The following PCDHA6 variants were observed in gnomAD, a reference collection of about 807,000 sequenced individuals.
PCDHA6 encodes the protein protocadherin alpha-6.
PCDHA6 carries 55 observed loss-of-function variants against 60.3 expected under a neutral mutation model. The observed-to-expected ratio is 0.91, with a 90% confidence interval of 0.73 to 1.14. The LOEUF is 1.14. Ranked by LOEUF, PCDHA6 falls within the 50% of genes most tolerant of loss-of-function variation. The probability of loss-of-function intolerance (pLI) is 0.00; values close to 1 mark genes in which losing one functional copy is unlikely to be tolerated. For missense variants in PCDHA6, 1,327 were observed against 1,256.5 expected (o/e 1.06, Z -0.85); for synonymous variants, 652 against 557.9 (o/e 1.17, Z -2.38).
At chr5:140,839,449 G>A (rs1251929255) in intron 1 of PCDHA6, among the ~76,000 whole-genome samples, 1 of 151,836 alleles carries the variant, frequency 6.6e-6, no homozygotes, top group African/African-American at 2.4e-5. Context: ...CAGTGCAGTG[G>A]CACAATCTGG....
Position 140,849,712 on chromosome 5 carries a change from C to T in PCDHA6, c.2394+19227C>T, listed in dbSNP as rs2150446144. 1.9e-6 allele frequency: 3 copies of T among 1,598,618 alleles called. No individual in the cohort carries two copies. On this transcript the variant is annotated intron_variant, in intron 1 of 3. Transcript: ENST00000529310. ...GTGTCCACCTACAAGAATTACTACT[C>T]GTTGGTGCTGGACAGAGCTCTGGAC... is the stretch of plus-strand genomic sequence containing the variant.
chr5:140,883,937 G>C, intron 1 of PCDHA6: 3 of 1,613,414 alleles, frequency 1.9e-6, no homozygotes, highest in Non-Finnish European at 2.5e-6. Context: ...GTTCGTGCTG[G>C]ACGAGAACGA....
intron 1 of PCDHA6, among the ~76,000 whole-genome samples, chr5:140,872,204 C>T (rs1475899671): frequency 6.6e-6 from 1 of 151,738 alleles, no homozygotes. Flanking sequence ...ATCATAAATT[C>T]ATTATATATG....
Position 140,850,293 on chromosome 5 carries a change from G to T in PCDHA6, c.2394+19808G>T. On this transcript the variant is annotated intron_variant, in intron 1 of 3. Coordinates refer to ENST00000529310, the MANE Select transcript of PCDHA6 (RefSeq NM_018909.4). ...GGGGAAGGTGCGCGCAGTGGACGCC[G>T]ACTCGGGCTACAACGCGTGGCTTTC... 6.3e-6 allele frequency: 10 copies of T among 1,596,280 alleles called. 2 individuals are homozygous for T. The highest frequency in any genetic ancestry group is 8.6e-6 in the Non-Finnish European group (10 of 1,167,618).
chr5:140,876,326 T>C, intron 1 of PCDHA6: 4 of 1,614,046 alleles, frequency 2.5e-6, no homozygotes, highest in Non-Finnish European at 3.4e-6. Context: ...AAAATGATTT[T>C]GCCAGTGAGT....
intron 3 of PCDHA6, among the ~76,000 whole-genome samples, chr5:140,988,533 C>G (rs1395075166): frequency 6.6e-6 from 1 of 152,160 alleles, no homozygotes; most frequent in African/African-American, 2.4e-5. Flanking sequence ...CTGGCTCCAT[C>G]CATTCATGAC....
rs576414745 is a variant in PCDHA6, at chr5:140,895,584, G to T, written c.2394+65099G>T. Among the ~76,000 whole-genome samples the T allele has an allele frequency of 9.2e-5, 14 of 152,210 alleles. No individual in the cohort carries two copies. In the South Asian group the frequency reaches 2.7e-3, roughly 29 times the overall value. The stretch of plus-strand genomic sequence containing the variant: ...TATTCTAGATGCAATTACTTTATTA[G>T]ATATATAATTTGCAAAGATTTTCTC... On this transcript the variant is annotated intron_variant, in intron 1 of 3. Coordinates refer to ENST00000529310, the MANE Select transcript of PCDHA6 (RefSeq NM_018909.4).
intron 1 of PCDHA6, among the ~76,000 whole-genome samples, chr5:140,844,021 G>A (rs2150368279): frequency 1.3e-5 from 2 of 149,470 alleles, no homozygotes; most frequent in East Asian, 1.9e-4. Flanking sequence ...GACGTTCAGG[G>A]CATTTTGATC....
intron 1 of PCDHA6, chr5:140,877,318 G>A: frequency 6.2e-7 from 1 of 1,614,000 alleles, no homozygotes; most frequent in Non-Finnish European, 8.5e-7. Context: ...ACCGGCGGCG[G>A]TCGGCGCGCA....
rs755165097 is a variant in PCDHA6 at position 140,830,006 on chromosome 5, G to T, written c.1915G>T (p.Glu639Ter). ...GEISTTRVLD[E>*]ADSPRHRLLV... is the part of the protein sequence containing the mutation. Reference sequence around the variant, plus strand: ...GATCAGCACCACTCGTGTCCTGGACGAAGCGGACTCTCCGCGCCACCGGCT... The same window carrying T: ...GATCAGCACCACTCGTGTCCTGGACTAAGCGGACTCTCCGCGCCACCGGCT... The change falls in exon 1 of 4, where the codon GAA becomes TAA. Residue 639 changes from glutamate (E) to a stop codon, truncating the protein, a stop_gained. Coordinates refer to ENST00000529310, the MANE Select transcript of PCDHA6 (RefSeq NM_018909.4). LOFTEE classifies it high-confidence loss of function. 6.2e-7 allele frequency: 1 copy of T among 1,613,960 alleles called. No homozygotes were observed. The highest frequency in any genetic ancestry group is 8.5e-7 in the Non-Finnish European group (1 of 1,179,928).
chr5:140,985,830 C>T (rs1446445717), intron 3 of PCDHA6, among the ~76,000 whole-genome samples: 2 of 149,758 alleles, frequency 1.3e-5, no homozygotes, highest in Non-Finnish European at 3.0e-5. Flanking sequence ...AGCTCTGCCT[C>T]CCGGGTTCAT....
At chr5:140,928,115 T>A (rs2084949063) in intron 1 of PCDHA6, 1 of 1,614,164 alleles carries the variant, frequency 6.2e-7, no homozygotes, top group East Asian at 2.2e-5. Flanking sequence ...CGGGAGCAGA[T>A]CAGTGAATAC....
chr5:140,907,554 A>G (rs1554193052), intron 1 of PCDHA6, among the ~76,000 whole-genome samples: 2 of 152,224 alleles, frequency 1.3e-5, no homozygotes, highest in African/African-American at 2.4e-5. Context: ...AAGAGGTCCA[A>G]TATAATCAAC....
At chr5:140,849,775 C>T (rs369759015) in intron 1 of PCDHA6, 5 of 1,598,318 alleles carry the variant, frequency 3.1e-6, no homozygotes, top group African/African-American at 1.3e-5. Context: ...GTGGTTACCG[C>T]GCGGGACGGG....
intron 3 of PCDHA6, among the ~76,000 whole-genome samples, chr5:140,985,173 G>A (rs939430246): frequency 1.3e-5 from 2 of 152,154 alleles, no homozygotes; most frequent in Admixed American, 6.5e-5. Flanking sequence ...TCCTGACCTC[G>A]TAATCCGCCT....
intron 1 of PCDHA6, among the ~76,000 whole-genome samples, chr5:140,896,345 C>T (rs113477424): frequency 0.12 from 18,881 of 152,098 alleles, 1,242 homozygotes; most frequent in Middle Eastern, 0.19. Flanking sequence ...TTTATATTCC[C>T]GCCAGCAGTG....
chr5:140,846,638 T>A (rs1554141417), intron 1 of PCDHA6, among the ~76,000 whole-genome samples: 1 of 149,216 alleles, frequency 6.7e-6, no homozygotes, highest in Non-Finnish European at 1.5e-5. Flanking sequence ...CCTCCTAAAG[T>A]GCTGGGATTA....
intron 3 of PCDHA6, among the ~76,000 whole-genome samples, chr5:140,994,387 C>T (rs192635308): frequency 1.3e-5 from 2 of 152,174 alleles, no homozygotes; most frequent in East Asian, 1.9e-4. Context: ...GGGACTAAGT[C>T]AGAGATTATT....
intron 1 of PCDHA6, chr5:140,884,726 T>A: frequency 6.9e-7 from 1 of 1,455,756 alleles, no homozygotes; most frequent in Non-Finnish European, 9.1e-7. Flanking sequence ...GTTGTTTGTT[T>A]AAGACATCTT....
Sources: gnomAD v4.1 joint callset for allele counts (sites outside exome capture counted in the v4.1 genomes callset) on GRCh38, gnomAD v4.1.1 for gene constraint, MANE v1.5 for transcripts, NCBI Gene and HGNC (gene_info 2026-07-23, HGNC 2026-07-21) for gene names.